The following KAZN variants were observed in gnomAD, a reference collection of about 807,000 sequenced individuals.
KAZN encodes the protein kazrin.
KAZN carries 40 observed loss-of-function variants against 87.4 expected under a neutral mutation model. The observed-to-expected ratio is 0.46, with a 90% CI of 0.36 to 0.60. The LOEUF is 0.60. Ranked by LOEUF, KAZN falls within the 20% of genes least tolerant of loss-of-function variation. The pLI, the probability that KAZN is intolerant of heterozygous loss-of-function variation, is 0.00. For synonymous variants in KAZN, 466 were observed against 458.3 expected (o/e 1.02, Z -0.22); for missense variants, 898 against 1,073.9 (o/e 0.84, Z 2.29).
At chr1:15,009,723 T>G (rs1669388178) in intron 2 of KAZN, among the ~76,000 whole-genome samples, 1 of 152,208 alleles carries the variant, frequency 6.6e-6, no homozygotes, top group Non-Finnish European at 1.5e-5. Context: ...GGTGGCATTT[T>G]TTATTATGGA....
chr1:13,932,717 C>CCT (rs1245694411), intron 1 of KAZN, among the ~76,000 whole-genome samples: 2 of 152,194 alleles, frequency 1.3e-5, no homozygotes, highest in Non-Finnish European at 2.9e-5. Flanking sequence ...CTCAGGCAGT[C>CCT]TGGCTTGGGC....
chr1:14,307,597 A>G (rs1404774126), intron 2 of KAZN, among the ~76,000 whole-genome samples: 2 of 152,202 alleles, frequency 1.3e-5, no homozygotes, highest in South Asian at 2.1e-4. Context: ...ACTCTAGCCT[A>G]TGTAACCCCA....
rs140417056 is a variant in KAZN, at chr1:14,112,932, C to A, written c.92-67503C>A. On this transcript the variant is annotated intron_variant, in intron 1 of 16. Transcript: ENST00000636203. ...GCCCAGCAGAGTTCAAAGTGCTGTG[C>A]GGAAGAAAGGCAGTCTTGCCTGTCA... is the stretch of plus-strand genomic sequence containing the variant. Among the ~76,000 whole-genome samples the A allele has an allele frequency of 2.7e-3, 407 of 152,312 alleles. 10 individuals are homozygous for A. The South Asian group carries it at 0.067, about 25-fold the overall frequency.
At position 14,263,699 on chromosome 1, in the gene KAZN, T is replaced by G. The variant is rs72865785; in HGVS notation, c.249+83107T>G. Reference sequence around the variant, plus strand: ...AAAAGCAAACTAACAGAAAGGATGGTTTGGGATTTGTATGAGGTAGAAATG... The same window carrying G: ...AAAAGCAAACTAACAGAAAGGATGGGTTGGGATTTGTATGAGGTAGAAATG... On this transcript the variant is annotated intron_variant, in intron 2 of 16. Transcript: ENST00000636203. 1.8e-3 allele frequency among the ~76,000 whole-genome samples: 281 copies of G among 152,316 alleles called. 3 individuals carry two copies. The highest frequency in any genetic ancestry group is 6.6e-3 in the African/African-American group (273 of 41,580).
intron 2 of KAZN, among the ~76,000 whole-genome samples, chr1:14,519,747 G>A (rs1352900015): frequency 6.6e-6 from 1 of 152,172 alleles, no homozygotes; most frequent in African/African-American, 2.4e-5. Flanking sequence ...GACTTTGGGG[G>A]ATTCCAGCCC....
chr1:14,418,815 T>C (rs911922907), intron 2 of KAZN, among the ~76,000 whole-genome samples: 1 of 152,198 alleles, frequency 6.6e-6, no homozygotes, highest in African/African-American at 2.4e-5. Flanking sequence ...AGAGAATCCC[T>C]CAGAGTCTTG....
At chr1:14,759,637 G>T (rs1034901273) in intron 1 of KAZN, among the ~76,000 whole-genome samples, 5 of 152,158 alleles carry the variant, frequency 3.3e-5, no homozygotes, top group Admixed American at 2.6e-4. Context: ...GGAAGCATCA[G>T]ACGGCTTTAA....
At chr1:14,199,691 G>A (rs749417769) in intron 2 of KAZN, among the ~76,000 whole-genome samples, 20 of 152,202 alleles carry the variant, frequency 1.3e-4, no homozygotes, top group Non-Finnish European at 2.5e-4. Context: ...AGCATATCAG[G>A]AAAGACTTCT....
At chr1:14,836,054 C>G (rs59399254) in intron 1 of KAZN, among the ~76,000 whole-genome samples, 25,802 of 152,136 alleles carry the variant, frequency 0.17, 3,089 homozygotes, top group African/African-American at 0.33. Context: ...CAGCAGGCCC[C>G]TGAGCCCCTC....
At chr1:14,921,393 A>G (rs897097127) in intron 1 of KAZN, among the ~76,000 whole-genome samples, 15 of 152,292 alleles carry the variant, frequency 9.8e-5, no homozygotes, top group Admixed American at 3.9e-4. Flanking sequence ...AGATATGTTT[A>G]CTTTCTTCTT....
intron 1 of KAZN, among the ~76,000 whole-genome samples, chr1:14,883,342 G>GAGAGAGAGAGAGAGAGAAAGA (rs1377953212): frequency 9.0e-5 from 3 of 33,462 alleles, no homozygotes; most frequent in Non-Finnish European, 1.8e-4. Context: ...GAGAGAGAGA[G>GAGAGAGAGAGAGAGAGAAAGA]AAAGAAAGAA....
rs1411589509 is a variant in KAZN, at chr1:14,400,256, A to AG, written c.250-198726dup. On this transcript the variant is annotated intron_variant, in intron 2 of 16. Transcript: ENST00000636203. ...AAAGGAAGAAATCTCAACATCTCTA[A>AG]GAGCAATGTGAGAACAACCTGGCCA... Among the ~76,000 whole-genome samples, 19 of 152,316 alleles carry AG rather than the reference A, an allele frequency of 1.2e-4. No individual in the cohort carries two copies. The East Asian group carries it at 3.7e-3, about 29-fold the overall frequency.
At chr1:14,366,700 G>C (rs1265130245) in intron 2 of KAZN, among the ~76,000 whole-genome samples, 1 of 152,202 alleles carries the variant, frequency 6.6e-6, no homozygotes, top group Non-Finnish European at 1.5e-5. Flanking sequence ...GCCCCAGAAG[G>C]CATGTGTTAC....
chr1:14,261,774 C>T (rs967217710), intron 2 of KAZN, among the ~76,000 whole-genome samples: 3 of 152,134 alleles, frequency 2.0e-5, no homozygotes, highest in Non-Finnish European at 4.4e-5. Flanking sequence ...GCAGCTTAAA[C>T]GAATTGTTCC....
chr1:14,931,336 C>T (rs188465286), intron 1 of KAZN, among the ~76,000 whole-genome samples: 2 of 151,748 alleles, frequency 1.3e-5, no homozygotes, highest in Admixed American at 6.6e-5. Context: ...CCCAGCTACT[C>T]GGAAGGCTGA....
intron 1 of KAZN, among the ~76,000 whole-genome samples, chr1:14,742,128 G>A (rs961265741): frequency 2.8e-4 from 42 of 152,208 alleles, no homozygotes; most frequent in Admixed American, 2.0e-3. Context: ...CAGAACAAAC[G>A]AAAGGAGGAA....
At chr1:14,984,152 A>G (rs1463953215) in intron 2 of KAZN, among the ~76,000 whole-genome samples, 1 of 152,008 alleles carries the variant, frequency 6.6e-6, no homozygotes, top group East Asian at 1.9e-4. Context: ...AGATCACTTG[A>G]AGTCAGGAGT....
intron 2 of KAZN, among the ~76,000 whole-genome samples, chr1:14,467,958 C>T (rs192045476): frequency 1.2e-4 from 18 of 152,250 alleles, no homozygotes; most frequent in Admixed American, 3.3e-4. Context: ...TCCAGGCCCA[C>T]GCATAAATCA....
At chr1:13,964,264 C>A (rs774814335) in intron 1 of KAZN, among the ~76,000 whole-genome samples, 1 of 152,014 alleles carries the variant, frequency 6.6e-6, no homozygotes, top group Non-Finnish European at 1.5e-5. Context: ...TGTTTAACAA[C>A]GAGTAAGTGT....
Sources: gnomAD v4.1 joint callset for allele counts (sites outside exome capture counted in the v4.1 genomes callset) on GRCh38, gnomAD v4.1.1 for gene constraint, MANE v1.5 for transcripts, NCBI Gene and HGNC (gene_info 2026-07-23, HGNC 2026-07-21) for gene names.